The following TTLL10 variants were observed in gnomAD, a reference collection of about 807,000 sequenced individuals.
TTLL10 encodes the protein tubulin tyrosine ligase like 10.
A neutral mutation model predicts 69.0 loss-of-function variants in TTLL10; 61 were observed. That is an observed-to-expected ratio of 0.88 (90% CI 0.72 to 1.09). TTLL10 has a LOEUF of 1.09. Among genes scored for constraint, TTLL10 ranks in the 50% least tolerant of loss-of-function variants. TTLL10 has a pLI of 0.00. For synonymous variants in TTLL10, 408 were observed against 393.3 expected (o/e 1.04, Z -0.44); for missense variants, 962 against 945.9 (o/e 1.02, Z -0.22).
Position 1,181,696 on chromosome 1 carries a change from A to T in TTLL10, c.756-45A>T, listed in dbSNP as rs1338040784. 1.3e-6 allele frequency: 2 copies of T among 1,543,528 alleles called. No individual in the cohort carries two copies. The highest frequency in any genetic ancestry group is 1.8e-6 in the Non-Finnish European group (2 of 1,140,044). On this transcript the variant is annotated intron_variant, in intron 8 of 15. Coordinates refer to ENST00000379289, the MANE Select transcript of TTLL10 (RefSeq NM_001130045.2). The surrounding 1 kb of genome is among the most constrained non-coding windows in gnomAD (Gnocchi z 4.6). Reference sequence around the variant, plus strand: ...CCAGTCCCCACCCGCTCCAAGCACCATGAGCTGGCCCCTCAGTCCAGGCCC... The same window carrying T: ...CCAGTCCCCACCCGCTCCAAGCACCTTGAGCTGGCCCCTCAGTCCAGGCCC...
intron 3 of TTLL10, among the ~76,000 whole-genome samples, chr1:1,176,959 T>C (rs1469637625): frequency 6.6e-6 from 1 of 152,198 alleles, no homozygotes; most frequent in African/African-American, 2.4e-5. Context: ...CTGGTTTGTT[T>C]CCCTGTTTCT....
Position 1,185,369 on chromosome 1 carries a change from T to C in TTLL10, c.1401+260T>C. On this transcript the variant is annotated intron_variant, in intron 13 of 15. Coordinates refer to ENST00000379289, the MANE Select transcript of TTLL10 (RefSeq NM_001130045.2). This position sits in a 1 kb window ranked among gnomAD's most constrained non-coding sequence, Gnocchi z 6.1. ...ACGAGTCCCGCGGGCAGCCTCGCCG[T>C]AGGGTCAGGGGACAGCTCGGCTTCA... 2 of 1,347,902 alleles carry C rather than the reference T, an allele frequency of 1.5e-6. No individual in the cohort carries two copies. Among genetic ancestry groups the C allele is most frequent in the Non-Finnish European group, 1.9e-6 (2 of 1,052,036 alleles). The allele number at this position is 1,347,902 out of a possible 1,614,324, so 83.5% of individuals were successfully genotyped here.
chr1:1,188,972 A>C (rs903625627), intron 13 of TTLL10, among the ~76,000 whole-genome samples: 1 of 152,206 alleles, frequency 6.6e-6, no homozygotes, highest in Non-Finnish European at 1.5e-5. Flanking sequence ...GCTAGTGTAT[A>C]AAAATAAAAC....
Position 1,181,555 on chromosome 1 carries a change from G to A in TTLL10, c.756-186G>A, listed in dbSNP as rs1187773405. 6.6e-6 allele frequency among the ~76,000 whole-genome samples: 1 copy of A among 152,060 alleles called. No individual in the cohort carries two copies. The highest frequency in any genetic ancestry group is 1.5e-5 in the Non-Finnish European group (1 of 68,002). ...TGACACCAGCTTTACACCATGTCCA[G>A]CGTCCACTTCCAGCCTAGAGCAACA... On this transcript the variant is annotated intron_variant, in intron 8 of 15. Coordinates refer to ENST00000379289, the MANE Select transcript of TTLL10 (RefSeq NM_001130045.2). The surrounding 1 kb of genome is among the most constrained non-coding windows in gnomAD (Gnocchi z 4.6).
chr1:1,175,793 G>T (rs868796009), intron 3 of TTLL10: 3 of 401,806 alleles, frequency 7.5e-6, no homozygotes, highest in Non-Finnish European at 1.5e-5. Context: ...GCTCCCAGCC[G>T]CTGTGCAGGT....
At chr1:1,178,167 C>T (rs1308466971) in intron 3 of TTLL10, among the ~76,000 whole-genome samples, 1 of 152,152 alleles carries the variant, frequency 6.6e-6, no homozygotes, top group African/African-American at 2.4e-5. Context: ...GAGCCTCAGG[C>T]CTACCCCAGC....
rs1384851891 is a variant in TTLL10, at chr1:1,181,798, A to G, written c.813A>G (p.Gly271=). The change falls in exon 9 of 16, where the codon GGA becomes GGG. Residue 271 remains glycine (G), a synonymous_variant. Transcript: ENST00000379289. This position sits in a 1 kb window ranked among gnomAD's most constrained non-coding sequence, Gnocchi z 4.6. ...AGGACCTCCCGTGGACAAGCCCAGGATACCTCAGGCCACAGAGGTAGACTC... is the reference window on the plus strand; with the variant it reads ...AGGACCTCCCGTGGACAAGCCCAGGGTACCTCAGGCCACAGAGGTAGACTC... ...ALEDLPWTSP[G]YLRPQRVLRM... The G allele has an allele frequency of 7.5e-6, 12 of 1,608,906 alleles. No homozygotes were observed. Among genetic ancestry groups the G allele is most frequent in the Non-Finnish European group, 1.0e-5 (12 of 1,178,590 alleles).
chr1:1,180,486 C>T lies in TTLL10; in HGVS notation c.510C>T (p.Ile170=). The T allele has an allele frequency of 6.6e-7, 1 of 1,523,506 alleles. No homozygotes were observed. Among genetic ancestry groups the T allele is most frequent in the Non-Finnish European group, 8.9e-7 (1 of 1,123,172 alleles). 94.4% of individuals were successfully genotyped at this position (1,523,506 alleles called of 1,614,324 possible). A position where few individuals can be genotyped will look rare whatever the true frequency, so the allele number is the denominator to read the frequency against. The change falls in exon 7 of 16, where the codon ATC becomes ATT. Residue 170 remains isoleucine (I), a synonymous_variant. Coordinates refer to ENST00000379289, the MANE Select transcript of TTLL10 (RefSeq NM_001130045.2). ...CCCCCGCCCCCACCCCTCGCAGCAT[C>T]AGCTCCTACTGCAAAAGCAAGGGCT... ...YIGGSNGATI[I]SSYCKSKGWQ...
Position 1,185,745 on chromosome 1 carries a change from G to GC in TTLL10, c.1401+637dup. 1.0e-6 allele frequency: 1 copy of GC among 985,560 alleles called. No individual in the cohort carries two copies. The highest frequency in any genetic ancestry group is 1.2e-6 in the Non-Finnish European group (1 of 829,996). 61.1% of individuals were successfully genotyped at this position (985,560 alleles called of 1,614,324 possible). On this transcript the variant is annotated intron_variant, in intron 13 of 15. Transcript: ENST00000379289. The surrounding 1 kb of genome is among the most constrained non-coding windows in gnomAD (Gnocchi z 6.1). Reference sequence around the variant, plus strand: ...AGGGATGGTCCTTCCTCACCCACAGGCGTGTGTCACTGTGGCTGGGACGGC... The same window carrying GC: ...AGGGATGGTCCTTCCTCACCCACAGGCCGTGTGTCACTGTGGCTGGGACGGC...
chr1:1,197,643 G>A lies in TTLL10; in HGVS notation c.1818G>A (p.Gln606=). 1 of 1,502,106 alleles carries A rather than the reference G, an allele frequency of 6.7e-7. No homozygotes were observed. Among genetic ancestry groups the A allele is most frequent in the Non-Finnish European group, 8.8e-7 (1 of 1,132,968 alleles). 93.0% of individuals were successfully genotyped at this position (1,502,106 alleles called of 1,614,324 possible). A position where few individuals can be genotyped will look rare whatever the true frequency, so the allele number is the denominator to read the frequency against. ...SGPPMPHAPD[Q]PGARRPAPPP... ...CACCCATGCCGCATGCCCCAGACCA[G>A]CCGGGCGCCCGCAGGCCTGCGCCAC... The change falls in exon 16 of 16, where the codon CAG becomes CAA. Residue 606 remains glutamine (Q), a synonymous_variant. Transcript: ENST00000379289.
intron 13 of TTLL10, among the ~76,000 whole-genome samples, chr1:1,195,515 T>TG: frequency 6.7e-6 from 1 of 148,632 alleles, no homozygotes; most frequent in Non-Finnish European, 1.5e-5. Flanking sequence ...TTTTTTTTTT[T>TG]TTTAGTTTTA....
In TTLL10 at chr1:1,197,503, C is replaced by T. The variant is rs996372816; in HGVS notation, c.1678C>T (p.Arg560Cys). ...GAAGATGTTGCCTCTGCTGTCCCAG[C>T]GCCGCTTCGTGCTCCTGCACAACGG... ...GQKMLPLLSQ[R>C]RFVLLHNGEA... The change falls in exon 16 of 16, where the codon CGC (arginine) becomes TGC (cysteine). Residue 560 changes from arginine to cysteine, a missense_variant. Transcript: ENST00000379289. The T allele has an allele frequency of 5.2e-6, 8 of 1,543,280 alleles. No individual in the cohort carries two copies. The highest frequency in any genetic ancestry group is 2.0e-5 in the Admixed American group (1 of 50,572).
chr1:1,196,969 G>A, intron 14 of TTLL10, 124 bp from the exon 15 acceptor site: 5 of 978,230 alleles, frequency 5.1e-6, no homozygotes, highest in South Asian at 4.7e-5. Context: ...GACAAACAGG[G>A]GAGCAAGGCT....
At chr1:1,176,079 C>T (rs775100667) in intron 3 of TTLL10, 5 of 424,258 alleles carry the variant, frequency 1.2e-5, no homozygotes, top group African/African-American at 7.4e-5. Flanking sequence ...GAGAGGCTGC[C>T]GCTGTGCAGG....
At chr1:1,191,774 G>T (rs776109218) in intron 13 of TTLL10, among the ~76,000 whole-genome samples, 2 of 152,224 alleles carry the variant, frequency 1.3e-5, no homozygotes, top group African/African-American at 4.8e-5. Flanking sequence ...TCATAGCATT[G>T]TTTCTATAGA....
intron 13 of TTLL10, among the ~76,000 whole-genome samples, chr1:1,191,599 G>A (rs1001280256): frequency 7.2e-5 from 11 of 152,190 alleles, no homozygotes; most frequent in South Asian, 2.1e-4. Flanking sequence ...TGTCTGTGCC[G>A]AGACCAGCTC....
Position 1,184,689 on chromosome 1 carries a change from C to T in TTLL10, c.1261-280C>T, listed in dbSNP as rs797015209. ...GGTTAGGGGGATGTTCTCTTGGGGA[C>T]CCCCGTGAGGACAGGCCCTCCGGAC... On this transcript the variant is annotated intron_variant, in intron 12 of 15. Coordinates refer to ENST00000379289, the MANE Select transcript of TTLL10 (RefSeq NM_001130045.2). Among the ~76,000 whole-genome samples the T allele has an allele frequency of 8.6e-5, 13 of 151,208 alleles. No individual in the cohort carries two copies. In the East Asian group the frequency reaches 1.6e-3, roughly 18 times the overall value.
intron 12 of TTLL10, 85 bp from the exon 13 acceptor site, chr1:1,184,884 A>G (rs1271433842): frequency 2.1e-6 from 1 of 487,492 alleles, no homozygotes. Flanking sequence ...CTTCTAGGTT[A>G]GGGGGATGTT....
chr1:1,176,724 C>T (rs976488892), intron 3 of TTLL10, among the ~76,000 whole-genome samples: 62 of 152,328 alleles, frequency 4.1e-4, no homozygotes, highest in African/African-American at 1.4e-3. Flanking sequence ...CCCGGGCCTC[C>T]CCTCTCGCCT....
Sources: gnomAD v4.1 joint callset for allele counts (sites outside exome capture counted in the v4.1 genomes callset) on GRCh38, gnomAD v4.1.1 for gene constraint, Gnocchi (gnomAD v3.1) non-coding constraint, MANE v1.5 for transcripts, NCBI Gene and HGNC (gene_info 2026-07-23, HGNC 2026-07-21) for gene names.